The following ABL2 variants were observed in gnomAD, a reference collection of about 807,000 sequenced individuals.
ABL2 encodes tyrosine-protein kinase ABL2.
A neutral mutation model predicts 107.7 loss-of-function variants in ABL2; 49 were observed. The observed-to-expected ratio is 0.45, with a 90% CI of 0.36 to 0.58. The LOEUF is 0.58. Ranked by LOEUF, ABL2 falls within the 20% of genes least tolerant of loss-of-function variation. The pLI is 0.00. For synonymous variants in ABL2, 549 were observed against 548.6 expected, an observed-to-expected ratio of 1.00 and a Z score of -0.01; for missense variants, 1,245 against 1,457.0, an observed-to-expected ratio of 0.85 and a Z score of 2.37.
rs1557895985 is a variant in ABL2 at position 179,101,992 on chromosome 1, A to ATTTC, written c.*5722_*5725dup. ...AAAAAAAAGCAAGCTTTGCATTAGA[A>ATTTC]TTTCTTTTTTTTTTTTTTTTTTTTT... On this transcript the variant is annotated 3_prime_UTR_variant, in exon 12 of 12. Transcript: ENST00000502732. The ATTTC allele has an allele frequency of 1.0e-5, 1 of 100,298 alleles. No individual in the cohort carries two copies. The highest frequency in any genetic ancestry group is 1.2e-4 in the Admixed American group (1 of 8,520). 6.2% of individuals were successfully genotyped at this position (100,298 alleles called of 1,614,324 possible).
intron 1 of ABL2, among the ~76,000 whole-genome samples, chr1:179,193,957 C>T (rs556898140): frequency 2.6e-5 from 4 of 152,070 alleles, no homozygotes; most frequent in South Asian, 4.2e-4. Flanking sequence ...AGGATGGTCT[C>T]GATCCTGGCC....
intron 1 of ABL2, among the ~76,000 whole-genome samples, chr1:179,190,661 G>A (rs540538585): frequency 1.1e-3 from 160 of 152,106 alleles, no homozygotes; most frequent in African/African-American, 3.6e-3. Flanking sequence ...TTCTAATCAC[G>A]CCTCTCCTCA....
At chr1:179,212,503 C>A (rs1173877817) in intron 1 of ABL2, among the ~76,000 whole-genome samples, 2 of 152,142 alleles carry the variant, frequency 1.3e-5, no homozygotes, top group African/African-American at 4.8e-5. Context: ...GAGGCCAAGG[C>A]AGGTGGATCA....
chr1:179,205,071 G>C (rs1661887300), intron 1 of ABL2, among the ~76,000 whole-genome samples: 1 of 147,440 alleles, frequency 6.8e-6, no homozygotes, highest in Non-Finnish European at 1.5e-5. Flanking sequence ...CTGTCGCCCA[G>C]GCTGGAGTGC....
chr1:179,212,882 A>G (rs1239606254), intron 1 of ABL2, among the ~76,000 whole-genome samples: 1 of 151,720 alleles, frequency 6.6e-6, no homozygotes, highest in Non-Finnish European at 1.5e-5. Flanking sequence ...CCCTGTCTCT[A>G]CTAAAAATAC....
At chr1:179,122,600 T>A (rs926036436) in intron 4 of ABL2, among the ~76,000 whole-genome samples, 1 of 151,920 alleles carries the variant, frequency 6.6e-6, no homozygotes, top group African/African-American at 2.4e-5. Context: ...ATATATATAT[T>A]TTCAAATATA....
chr1:179,187,607 C>T (rs1673882813), intron 1 of ABL2, among the ~76,000 whole-genome samples: 1 of 152,168 alleles, frequency 6.6e-6, no homozygotes, highest in South Asian at 2.1e-4. Context: ...GGGATCTGTA[C>T]AAATTTGAAT....
intron 1 of ABL2, chr1:179,143,006 A>C (rs1326680522): frequency 4.3e-6 from 7 of 1,614,250 alleles, no homozygotes; most frequent in Non-Finnish European, 5.1e-6. Flanking sequence ...GATCTCTGCC[A>C]TAACTATTAG....
chr1:179,112,454 G>T, intron 9 of ABL2, 56 bp from the exon 10 acceptor site: 1 of 1,391,100 alleles, frequency 7.2e-7, no homozygotes, highest in Non-Finnish European at 1.0e-6. Flanking sequence ...AATATCCAGT[G>T]GTGTATCTAA....
chr1:179,227,969 GAA>G (rs948918942), intron 1 of ABL2, among the ~76,000 whole-genome samples: 4 of 146,178 alleles, frequency 2.7e-5, no homozygotes, highest in African/African-American at 7.6e-5. Flanking sequence ...AGAATCGCTT[GAA>G]CCTGGGAGGC....
intron 1 of ABL2, among the ~76,000 whole-genome samples, chr1:179,146,540 G>C (rs1243958473): frequency 6.6e-6 from 1 of 152,124 alleles, no homozygotes; most frequent in Non-Finnish European, 1.5e-5. Context: ...TGAGTCCCAA[G>C]TGATATGGTT....
intron 1 of ABL2, among the ~76,000 whole-genome samples, chr1:179,182,855 C>G (rs1660457189): frequency 6.6e-6 from 1 of 151,958 alleles, no homozygotes; most frequent in African/African-American, 2.4e-5. Flanking sequence ...CAAGAAGGAC[C>G]AGTTTGGCTT....
chr1:179,155,712 C>G (rs1413549712), intron 1 of ABL2, among the ~76,000 whole-genome samples: 2 of 141,654 alleles, frequency 1.4e-5, no homozygotes, highest in Non-Finnish European at 3.0e-5. Flanking sequence ...GTCTGGGAGA[C>G]AGAGCAAGAC....
intron 1 of ABL2, among the ~76,000 whole-genome samples, chr1:179,161,619 G>C (rs1260502823): frequency 6.6e-6 from 1 of 152,186 alleles, no homozygotes; most frequent in African/African-American, 2.4e-5. Context: ...GCTGAGACAG[G>C]AGGATTGCTT....
At chr1:179,127,217 A>C (rs1035510337) in intron 3 of ABL2, among the ~76,000 whole-genome samples, 1 of 152,242 alleles carries the variant, frequency 6.6e-6, no homozygotes, top group Non-Finnish European at 1.5e-5. Context: ...AACAAAAAAA[A>C]ACACGGACCA....
Position 179,103,694 on chromosome 1 carries a change from G to A in ABL2, c.*4024C>T. 4.4e-6 allele frequency: 1 copy of A among 226,392 alleles called. No homozygotes were observed. The highest frequency in any genetic ancestry group is 8.8e-6 in the Non-Finnish European group (1 of 113,526). 14.0% of individuals were successfully genotyped at this position (226,392 alleles called of 1,614,324 possible). A position where few individuals can be genotyped will look rare whatever the true frequency, so the allele number is the denominator to read the frequency against. On this transcript the variant is annotated 3_prime_UTR_variant, in exon 12 of 12. Transcript: ENST00000502732. Reference sequence around the variant, plus strand: ...TAAGGTCAAAGTGTCAGGAGCATGTGCTTTAGAAAGTGTGCAGCACCACAC... The same window carrying A: ...TAAGGTCAAAGTGTCAGGAGCATGTACTTTAGAAAGTGTGCAGCACCACAC...
Position 179,109,256 on chromosome 1 carries a change from A to T in ABL2, c.2011T>A (p.Ser671Thr). 6.2e-7 allele frequency: 1 copy of T among 1,614,056 alleles called. No individual in the cohort carries two copies. Among genetic ancestry groups the T allele is most frequent in the Non-Finnish European group, 8.5e-7 (1 of 1,180,000 alleles). The part of the protein sequence containing the change: ...NAPTPPKRSS[S>T]FREMENQPHK... Reference sequence around the variant, plus strand: ...GGCTGATTCTCCATTTCTCGGAAGGAGCTGCTGCGTTTGGGGGGTGTAGGA... The same window carrying T: ...GGCTGATTCTCCATTTCTCGGAAGGTGCTGCTGCGTTTGGGGGGTGTAGGA... Residue 671 changes from serine (S) to threonine (T), a missense_variant, in exon 12 of 12, where the codon TCC becomes ACC. By Grantham distance (58) the Ser-to-Thr change is moderately conservative. This residue lies in a region of ABL2 where 761 missense variants were observed against 766.4 expected (regional missense o/e 0.99). Transcript: ENST00000502732.
intron 1 of ABL2, among the ~76,000 whole-genome samples, chr1:179,157,833 G>A (rs554115155): frequency 6.6e-6 from 1 of 151,746 alleles, no homozygotes; most frequent in South Asian, 2.1e-4. Flanking sequence ...GCCTCCCAAA[G>A]TGCTAGGATA....
chr1:179,112,527 A>G, intron 9 of ABL2, 129 bp from the exon 10 acceptor site: 1 of 619,190 alleles, frequency 1.6e-6, no homozygotes, highest in Non-Finnish European at 2.8e-6. Context: ...GTTCACAATG[A>G]TAGCAACATA....
Sources: allele counts gnomAD v4.1 joint callset (sites outside exome capture counted in the v4.1 genomes callset), GRCh38; gene constraint gnomAD v4.1.1; regional missense constraint gnomAD v4.1.1; transcripts MANE v1.5; gene names NCBI Gene and HGNC (gene_info 2026-07-23, HGNC 2026-07-21).